The following SNX5 variants were observed in gnomAD, a reference collection of about 807,000 sequenced individuals.
The protein encoded by SNX5 is sorting nexin 5, also known as sorting nexin-5.
SNX5 carries 31 observed loss-of-function variants against 53.9 expected under a neutral mutation model. The ratio of observed to expected loss-of-function variants is 0.58; its 90% CI spans 0.43 to 0.78. The LOEUF is 0.78. Ranked by LOEUF, SNX5 falls within the 30% of genes least tolerant of loss-of-function variation. SNX5 has a pLI of 0.00. For synonymous variants in SNX5, 168 were observed against 171.1 expected (o/e 0.98, Z 0.14); for missense variants, 471 against 478.8 (o/e 0.98, Z 0.15).
chr20:17,964,354 GGAAT>G (rs1349330448), intron 1 of SNX5, among the ~76,000 whole-genome samples: 5 of 152,118 alleles, frequency 3.3e-5, no homozygotes, highest in African/African-American at 1.2e-4. Context: ...AGACCATATA[GGAAT>G]GCCTAAAAAA....
At chr20:17,961,754 G>A (rs1179245810) in intron 1 of SNX5, 1 of 985,124 alleles carries the variant, frequency 1.0e-6, no homozygotes, top group Non-Finnish European at 1.2e-6. Flanking sequence ...GTTTTGTTAT[G>A]TTTCATTCCA....
At chr20:17,951,258 C>A (rs1305183027) in intron 6 of SNX5, 2 of 460,124 alleles carry the variant, frequency 4.3e-6, no homozygotes, top group Non-Finnish European at 8.0e-6. Flanking sequence ...TCCCTCCTTA[C>A]AGAAAAGGAG....
chr20:17,949,745 TCTC>T (rs2039537700), intron 8 of SNX5, among the ~76,000 whole-genome samples: 1 of 151,806 alleles, frequency 6.6e-6, no homozygotes, highest in African/African-American at 2.4e-5. Context: ...GTTCTCAGGA[TCTC>T]CTGAGGCTGC....
chr20:17,948,791 GTC>G, intron 10 of SNX5, 97 bp downstream of exon 10: 2 of 929,896 alleles, frequency 2.2e-6, no homozygotes, highest in Non-Finnish European at 3.4e-6. Context: ...ATAAAAACAA[GTC>G]TGATAAATTC....
chr20:17,956,591 C>T (rs1321238155), intron 2 of SNX5, among the ~76,000 whole-genome samples: 1 of 138,000 alleles, frequency 7.2e-6, no homozygotes, highest in Non-Finnish European at 1.5e-5. Context: ...AGGAGAATTG[C>T]TTGAACCCGG....
At position 17,955,451 on chromosome 20, in the gene SNX5, G is replaced by A. The variant is rs747066909; in HGVS notation, c.181C>T (p.Pro61Ser). 5 of 1,614,036 alleles carry A rather than the reference G, an allele frequency of 3.1e-6. No individual in the cohort carries two copies. The highest frequency in any genetic ancestry group is 1.1e-5 in the South Asian group (1 of 91,078). The change falls in exon 3 of 13, where the codon CCA becomes TCA. Residue 61 changes from proline to serine, a missense_variant. By Grantham distance (74) the Pro-to-Ser change is moderately conservative. Coordinates refer to ENST00000377759, the MANE Select transcript of SNX5 (RefSeq NM_014426.4). ...TKTTLPTFQS[P>S]EFSVTRQHED... The stretch of plus-strand genomic sequence containing the variant: ...TGTTGCCTTGTAACAGAAAACTCTG[G>A]GCTCTGAAACGTGGGCAGTGTGGTC...
chr20:17,961,535 A>ATG, intron 1 of SNX5: 1 of 984,616 alleles, frequency 1.0e-6, no homozygotes, highest in South Asian at 4.7e-5. Flanking sequence ...TTTGTATACA[A>ATG]TGTAAGACAT....
intron 3 of SNX5, among the ~76,000 whole-genome samples, chr20:17,954,385 T>A (rs2035319367): frequency 6.6e-6 from 1 of 152,204 alleles, no homozygotes; most frequent in African/African-American, 2.4e-5. Flanking sequence ...CACAACAGTG[T>A]CTATACTGCT....
intron 1 of SNX5, chr20:17,962,159 C>A (rs1447218670): frequency 5.9e-6 from 1 of 169,784 alleles, no homozygotes; most frequent in Non-Finnish European, 1.2e-5. Context: ...GTGTGAGAAA[C>A]AACTGGTTCA....
chr20:17,942,737 G>T lies in SNX5; in HGVS notation c.1165-330C>A, dbSNP rs1185516528. 4.0e-5 allele frequency: 15 copies of T among 378,008 alleles called. No homozygotes were observed. The East Asian group carries it at 7.9e-4, about 20-fold the overall frequency. 23.4% of individuals were successfully genotyped at this position (378,008 alleles called of 1,614,324 possible). ...TCAGTGCGTTGTTCCATGAAGGCAA[G>T]GGCCTTGGAAAGATTGAATAAAAGT... On this transcript the variant is annotated intron_variant, in intron 12 of 12. Coordinates refer to ENST00000377759, the MANE Select transcript of SNX5 (RefSeq NM_014426.4).
intron 6 of SNX5, 39 bp from the exon 7 acceptor site, chr20:17,950,435 T>C (rs1211635840): frequency 8.7e-7 from 1 of 1,146,200 alleles, no homozygotes; most frequent in African/African-American, 1.5e-5. Context: ...TTTCATGAAA[T>C]ATACTATCCC....
chr20:17,951,472 T>A (rs1050453669), intron 6 of SNX5, 28 bp downstream of exon 6: 4 of 1,466,986 alleles, frequency 2.7e-6, no homozygotes, highest in Middle Eastern at 2.4e-4. Flanking sequence ...AAGTAAAAAA[T>A]TTTCTCCAAC....
intron 1 of SNX5, among the ~76,000 whole-genome samples, chr20:17,966,162 T>G (rs1173672934): frequency 6.6e-6 from 1 of 152,004 alleles, no homozygotes; most frequent in Non-Finnish European, 1.5e-5. Context: ...AAAATAGCAC[T>G]AGGCTGCGAA....
At chr20:17,950,097 T>C (rs1294392653) in intron 8 of SNX5, 35 bp downstream of exon 8, 1 of 1,583,376 alleles carries the variant, frequency 6.3e-7, no homozygotes, top group Non-Finnish European at 8.7e-7. Flanking sequence ...ACTCTTCAAT[T>C]GGGTTAGGGG....
At chr20:17,968,349 G>A (rs1012918402) in intron 1 of SNX5, 26 bp downstream of exon 1, 24 of 1,261,240 alleles carry the variant, frequency 1.9e-5, no homozygotes, top group Non-Finnish European at 2.1e-5. Context: ...CGCCCGCCCA[G>A]GAGTCTGAGG....
Position 17,942,416 on chromosome 20 carries a change from A to C in SNX5, c.1165-9T>G. On this transcript the variant is annotated splice_polypyrimidine_tract_variant and intron_variant, in intron 12 of 12. Coordinates refer to ENST00000377759, the MANE Select transcript of SNX5 (RefSeq NM_014426.4). ...AAAAGGGAGACATTGTTCTGTGGGG[A>C]AAAAAGGCAAGGCAGACCAGTGAAT... is the stretch of plus-strand genomic sequence containing the variant. The C allele has an allele frequency of 6.2e-7, 1 of 1,602,934 alleles. No homozygotes were observed. Among genetic ancestry groups the C allele is most frequent in the Non-Finnish European group, 8.5e-7 (1 of 1,170,168 alleles).
At chr20:17,964,946 A>C (rs2035514407) in intron 1 of SNX5, among the ~76,000 whole-genome samples, 1 of 152,250 alleles carries the variant, frequency 6.6e-6, no homozygotes, top group Non-Finnish European at 1.5e-5. Flanking sequence ...AACCTGCTGA[A>C]GAAAACCATC....
At chr20:17,943,458 GAACACGT>G (rs1294210120) in intron 11 of SNX5, 3 of 415,458 alleles carry the variant, frequency 7.2e-6, no homozygotes, top group Non-Finnish European at 1.3e-5. Flanking sequence ...ATGACTTGGA[GAACACGT>G]TGATGAGCAG....
Position 17,942,412 on chromosome 20 carries a change from G to C in SNX5, c.1165-5C>G, listed in dbSNP as rs747334002. 16 of 1,608,548 alleles carry C rather than the reference G, an allele frequency of 9.9e-6. No individual in the cohort carries two copies. Among genetic ancestry groups the C allele is most frequent in the Non-Finnish European group, 1.4e-5 (16 of 1,175,210 alleles). ...CTGCAAAAGGGAGACATTGTTCTGTGGGGAAAAAAGGCAAGGCAGACCAGT... is the reference window on the plus strand; with the variant it reads ...CTGCAAAAGGGAGACATTGTTCTGTCGGGAAAAAAGGCAAGGCAGACCAGT... On this transcript the variant is annotated splice_region_variant and splice_polypyrimidine_tract_variant and intron_variant, in intron 12 of 12. Transcript: ENST00000377759.
Sources: gnomAD v4.1 joint callset for allele counts (sites outside exome capture counted in the v4.1 genomes callset) on GRCh38, gnomAD v4.1.1 for gene constraint, MANE v1.5 for transcripts, NCBI Gene and HGNC (gene_info 2026-07-23, HGNC 2026-07-21) for gene names.